Variants in CSMD3 observed in about 807,000 individuals in gnomAD.
CSMD3 encodes CUB and sushi domain-containing protein 3.
A neutral mutation model predicts 435.2 loss-of-function variants in CSMD3; 177 were observed. That is an observed-to-expected ratio of 0.41 (90% CI 0.36 to 0.46). The LOEUF (loss-of-function observed/expected upper bound fraction) is 0.46. Ranked by LOEUF, CSMD3 falls within the 20% of genes least tolerant of loss-of-function variation. CSMD3 has a pLI of 0.34. For missense variants in CSMD3, 4,265 were observed against 4,504.6 expected, an observed-to-expected ratio of 0.95 and a Z score of 1.52; for synonymous variants, 1,656 against 1,520.5, an observed-to-expected ratio of 1.09 and a Z score of -2.07.
At chr8:112,587,032 T>G in intron 23 of CSMD3, 34 bp downstream of exon 23, 1 of 1,505,156 alleles carries the variant, frequency 6.6e-7, no homozygotes, top group South Asian at 1.1e-5. Context: ...TGACTAAAAA[T>G]GAACAATATA....
At chr8:112,267,721 T>C (rs1817083657) in intron 59 of CSMD3, among the ~76,000 whole-genome samples, 2 of 152,118 alleles carry the variant, frequency 1.3e-5, no homozygotes, top group South Asian at 4.1e-4. Context: ...ACAGAGCGTT[T>C]ATTTTACAGA....
chr8:112,284,861 G>A (rs1352647263), intron 58 of CSMD3, among the ~76,000 whole-genome samples: 1 of 151,792 alleles, frequency 6.6e-6, no homozygotes, highest in Non-Finnish European at 1.5e-5. Flanking sequence ...AAATCATCTT[G>A]AAATATTTTA....
At chr8:112,287,297 G>C in intron 57 of CSMD3, 51 bp from the exon 58 acceptor site, 1 of 1,586,536 alleles carries the variant, frequency 6.3e-7, no homozygotes, top group Non-Finnish European at 8.7e-7. Context: ...CATTTATTAA[G>C]TTTACCAGTT....
intron 3 of CSMD3, among the ~76,000 whole-genome samples, chr8:113,191,376 G>A (rs1405349923): frequency 6.6e-6 from 1 of 151,320 alleles, no homozygotes; most frequent in Non-Finnish European, 1.5e-5. Flanking sequence ...GCAGTTTTTC[G>A]GCCCACATCT....
chr8:112,856,804 ATTAATCACCTTGGTTAAT>A (rs1221628767), intron 11 of CSMD3, among the ~76,000 whole-genome samples: 1 of 151,936 alleles, frequency 6.6e-6, no homozygotes, highest in East Asian at 1.9e-4. Context: ...ATGTAGAGGT[ATTAATCACCTTGGTTAAT>A]TGGGATGTAT....
At chr8:113,096,946 A>G (rs1047827232) in intron 5 of CSMD3, among the ~76,000 whole-genome samples, 1 of 151,980 alleles carries the variant, frequency 6.6e-6, no homozygotes, top group Non-Finnish European at 1.5e-5. Context: ...TTTCTTTCTT[A>G]TCACTCTCTA....
intron 1 of CSMD3, among the ~76,000 whole-genome samples, chr8:113,388,739 T>C (rs1371977015): frequency 1.3e-5 from 2 of 151,664 alleles, no homozygotes; most frequent in Non-Finnish European, 3.0e-5. Context: ...CAGCATACAT[T>C]CCTTTAAGAA....
chr8:112,282,810 C>G (rs1191385940), intron 58 of CSMD3, among the ~76,000 whole-genome samples: 2 of 152,072 alleles, frequency 1.3e-5, no homozygotes, highest in Non-Finnish European at 2.9e-5. Flanking sequence ...ACAGCAACTA[C>G]TTTGCCTCTG....
chr8:112,699,222 A>T (rs1253365246), intron 13 of CSMD3, among the ~76,000 whole-genome samples: 1 of 152,042 alleles, frequency 6.6e-6, no homozygotes, highest in Non-Finnish European at 1.5e-5. Context: ...GAGCTGTAAC[A>T]CTCACTGCAA....
In CSMD3 at chr8:112,296,016, G is replaced by A. The variant is rs1313283359; in HGVS notation, c.8441-10C>T. On this transcript the variant is annotated splice_polypyrimidine_tract_variant and intron_variant, in intron 53 of 70. Transcript: ENST00000297405. ...ATTCCACAATGACCCGCTGAAATAC[G>A]TTATAAAGTAATATTTTTAATACTG... The A allele has an allele frequency of 9.4e-6, 15 of 1,596,592 alleles. No homozygotes were observed. The highest frequency in any genetic ancestry group is 2.2e-5 in the East Asian group (1 of 44,724).
rs550075164 is a variant in CSMD3, at chr8:113,142,748, T to C, written c.709+30974A>G. On this transcript the variant is annotated intron_variant, in intron 4 of 70. Transcript: ENST00000297405. ...TTTTAAAGTCACTAAAAAAGAATAATTGCATCATTTATAACGCAAAGAAAG... is the reference window on the plus strand; with the variant it reads ...TTTTAAAGTCACTAAAAAAGAATAACTGCATCATTTATAACGCAAAGAAAG... Among the ~76,000 whole-genome samples, 11 of 150,888 alleles carry C rather than the reference T, an allele frequency of 7.3e-5. No individual in the cohort carries two copies. In the East Asian group the frequency reaches 2.2e-3, roughly 30 times the overall value.
At chr8:112,787,640 A>G (rs2078582070) in intron 13 of CSMD3, among the ~76,000 whole-genome samples, 1 of 152,290 alleles carries the variant, frequency 6.6e-6, no homozygotes, top group South Asian at 2.1e-4. Context: ...TTGGAACAAC[A>G]TAGATGGAAC....
intron 32 of CSMD3, among the ~76,000 whole-genome samples, chr8:112,441,306 C>T (rs567888905): frequency 3.7e-4 from 56 of 152,258 alleles, no homozygotes; most frequent in Non-Finnish European, 6.6e-4. Context: ...CTTCATTGTC[C>T]ATATCACTGT....
intron 13 of CSMD3, among the ~76,000 whole-genome samples, chr8:112,754,891 C>A (rs1013976092): frequency 6.6e-6 from 1 of 152,092 alleles, no homozygotes; most frequent in East Asian, 1.9e-4. Context: ...ACATGTTTAC[C>A]CCCTCCACAA....
chr8:113,047,840 T>C (rs932591661), intron 5 of CSMD3, among the ~76,000 whole-genome samples: 9 of 152,226 alleles, frequency 5.9e-5, no homozygotes, highest in Non-Finnish European at 7.3e-5. Context: ...TCTGGGTGTG[T>C]GTCACAGTGG....
chr8:112,511,384 C>CTTTTTTT (rs34548150), intron 28 of CSMD3, among the ~76,000 whole-genome samples: 3 of 72,400 alleles, frequency 4.1e-5, no homozygotes, highest in Admixed American at 1.6e-4. Context: ...ATTTTCTTTT[C>CTTTTTTT]TTTTTTTTTT....
At chr8:113,301,447 TCTCA>T (rs1291114778) in intron 2 of CSMD3, among the ~76,000 whole-genome samples, 3 of 151,996 alleles carry the variant, frequency 2.0e-5, no homozygotes, top group Non-Finnish European at 4.4e-5. Flanking sequence ...AATAATCACA[TCTCA>T]CTCAGATATA....
intron 4 of CSMD3, among the ~76,000 whole-genome samples, chr8:113,149,837 A>C (rs767391583): frequency 1.3e-5 from 2 of 152,004 alleles, no homozygotes; most frequent in Non-Finnish European, 2.9e-5. Context: ...AAGTTCCAAT[A>C]GCAAATGCAT....
At chr8:112,390,609 GA>G in intron 36 of CSMD3, 54 bp downstream of exon 36, 2 of 1,448,104 alleles carry the variant, frequency 1.4e-6, no homozygotes, top group East Asian at 2.3e-5. Flanking sequence ...TGTCATCTCT[GA>G]AAAGATTAAC....
Sources: gnomAD v4.1 joint callset for allele counts (sites outside exome capture counted in the v4.1 genomes callset) on GRCh38, gnomAD v4.1.1 for gene constraint, MANE v1.5 for transcripts, NCBI Gene and HGNC (gene_info 2026-07-23, HGNC 2026-07-21) for gene names.